The following KIF5C variants were observed in gnomAD, a reference collection of about 807,000 sequenced individuals.
KIF5C encodes kinesin family member 5C, also known as kinesin heavy chain isoform 5C.
In KIF5C, 18 loss-of-function variants were observed where a neutral mutation model predicts 125.2. The observed-to-expected ratio is 0.14, with a 90% CI of 0.10 to 0.21. The LOEUF is 0.21. Ranked by LOEUF, KIF5C falls within the 10% of genes least tolerant of loss-of-function variation. The probability of loss-of-function intolerance (pLI) is 1.00; values close to 1 mark genes in which losing one functional copy is unlikely to be tolerated. For synonymous variants in KIF5C, 405 were observed against 434.0 expected, an observed-to-expected ratio of 0.93 and a Z score of 0.83; for missense variants, 780 against 1,183.8, an observed-to-expected ratio of 0.66 and a Z score of 5.01.
intron 12 of KIF5C, among the ~76,000 whole-genome samples, chr2:148,976,285 T>TTTATTTATTTATTTA (rs1558927695): frequency 1.9e-5 from 1 of 52,190 alleles, no homozygotes. Context: ...TTATTTATTT[T>TTTATTTATTTATTTA]TTGAGATGGA....
intron 1 of KIF5C, among the ~76,000 whole-genome samples, chr2:148,916,786 T>G (rs1035861683): frequency 2.6e-5 from 4 of 152,186 alleles, no homozygotes; most frequent in Non-Finnish European, 4.4e-5. Context: ...TCAGGCTTAT[T>G]GTTTCCTTGA....
At chr2:149,011,736 C>T (rs1682208292) in intron 25 of KIF5C, 53 bp downstream of exon 25, 1 of 1,608,728 alleles carries the variant, frequency 6.2e-7, no homozygotes, top group East Asian at 2.2e-5. Context: ...GGCTTCTTGC[C>T]TTTCCAAAGC....
intron 12 of KIF5C, among the ~76,000 whole-genome samples, chr2:148,974,802 G>A (rs751980350): frequency 1.3e-5 from 2 of 152,078 alleles, no homozygotes; most frequent in Admixed American, 6.5e-5. Flanking sequence ...TTTAGTAATC[G>A]CAGAGAATCC....
chr2:149,014,903 A>G (rs1558949967), intron 25 of KIF5C, among the ~76,000 whole-genome samples: 2 of 152,116 alleles, frequency 1.3e-5, no homozygotes, highest in African/African-American at 2.4e-5. Context: ...TAAAGATAAT[A>G]TTGGCCGGGC....
At chr2:148,961,354 C>T in intron 10 of KIF5C, among the ~76,000 whole-genome samples, 1 of 152,144 alleles carries the variant, frequency 6.6e-6, no homozygotes, top group East Asian at 1.9e-4. Flanking sequence ...CAGCCTTACT[C>T]AGCTGTGGGA....
At chr2:148,996,287 C>T (rs1681670501) in intron 17 of KIF5C, among the ~76,000 whole-genome samples, 2 of 152,172 alleles carry the variant, frequency 1.3e-5, no homozygotes, top group African/African-American at 4.8e-5. Flanking sequence ...ACAGTTTGCT[C>T]AGTAAATGCA....
At chr2:148,905,851 G>A (rs1681083887) in intron 1 of KIF5C, among the ~76,000 whole-genome samples, 1 of 152,172 alleles carries the variant, frequency 6.6e-6, no homozygotes. Flanking sequence ...ATGGTGGAAG[G>A]TGAAAGGCAT....
chr2:148,875,569 G>GCCCCCGCCCCCCCCCCCAA lies in KIF5C; in HGVS notation c.-45_-44insCGCCCCCCCCCCCAACCCC. On this transcript the variant is annotated 5_prime_UTR_variant, in exon 1 of 26. Coordinates refer to ENST00000435030, the MANE Select transcript of KIF5C (RefSeq NM_004522.3). Reference sequence around the variant, plus strand: ...GCGGCCTCCTCCCTCGTCGTTCCCGGCCCCGGCCCCCCACCCATCCCCGTG... The same window carrying GCCCCCGCCCCCCCCCCCAA: ...GCGGCCTCCTCCCTCGTCGTTCCCGGCCCCCGCCCCCCCCCCCAACCCCGGCCCCCCACCCATCCCCGTG... 1.4e-6 allele frequency: 1 copy of GCCCCCGCCCCCCCCCCCAA among 689,868 alleles called. No homozygotes were observed. Among genetic ancestry groups the GCCCCCGCCCCCCCCCCCAA allele is most frequent in the Admixed American group, 2.1e-5 (1 of 47,388 alleles). The allele number at this position is 689,868 out of a possible 1,614,324, so 42.7% of individuals were successfully genotyped here. A position where few individuals can be genotyped will look rare whatever the true frequency, so the allele number is the denominator to read the frequency against.
At chr2:148,963,218 C>T (rs955504108) in intron 11 of KIF5C, among the ~76,000 whole-genome samples, 4 of 149,088 alleles carry the variant, frequency 2.7e-5, no homozygotes, top group African/African-American at 7.5e-5. Context: ...AGGGGAATGG[C>T]GGATAGTTGG....
At chr2:148,908,806 G>T (rs1258398764) in intron 1 of KIF5C, among the ~76,000 whole-genome samples, 1 of 152,170 alleles carries the variant, frequency 6.6e-6, no homozygotes, top group East Asian at 1.9e-4. Flanking sequence ...AAATAGAAAA[G>T]AGTTACTTTC....
chr2:148,876,849 C>A lies in KIF5C; in HGVS notation c.126+1106C>A, dbSNP rs921821168. On this transcript the variant is annotated intron_variant, in intron 1 of 25. Coordinates refer to ENST00000435030, the MANE Select transcript of KIF5C (RefSeq NM_004522.3). This position sits in a 1 kb window ranked among gnomAD's most constrained non-coding sequence, Gnocchi z 4.7. ...GGGAGCCTCCCGGTCCCCGCTGACA[C>A]GTTCCTGGCAGCCTGCTCCAGGCTG... 1.3e-5 allele frequency among the ~76,000 whole-genome samples: 2 copies of A among 152,196 alleles called. No individual in the cohort carries two copies. Among genetic ancestry groups the A allele is most frequent in the African/African-American group, 2.4e-5 (1 of 41,454 alleles).
intron 8 of KIF5C, 130 bp downstream of exon 8, chr2:148,947,153 A>T: frequency 1.5e-6 from 2 of 1,360,342 alleles, no homozygotes; most frequent in Non-Finnish European, 2.0e-6. Context: ...GGCTCTGCCA[A>T]GGTGTTATTA....
Position 148,998,228 on chromosome 2 carries a change from C to T in KIF5C, c.2101-172C>T, listed in dbSNP as rs536675740. 7.1e-5 allele frequency: 76 copies of T among 1,068,304 alleles called. No homozygotes were observed. In the Admixed American group the frequency reaches 1.4e-3, roughly 19 times the overall value. The allele number at this position is 1,068,304 out of a possible 1,614,324, so 66.2% of individuals were successfully genotyped here. ...GATAACAGATCTTGGGTTTTGTTAT[C>T]CCAATAAAGCAAGGCCGGGTCCTGG... is the stretch of plus-strand genomic sequence containing the variant. On this transcript the variant is annotated intron_variant, in intron 18 of 25. Transcript: ENST00000435030.
At chr2:148,885,705 G>A (rs945127301) in intron 1 of KIF5C, 1 of 152,170 alleles carries the variant, frequency 6.6e-6, no homozygotes, top group African/African-American at 2.4e-5. Context: ...TCTCATTAAA[G>A]AAAAACTTTT....
chr2:148,998,616 C>T, intron 19 of KIF5C, 107 bp downstream of exon 19: 1 of 1,488,864 alleles, frequency 6.7e-7, no homozygotes, highest in Non-Finnish European at 9.0e-7. Flanking sequence ...TCACCTTGCC[C>T]TGTGGGCACT....
At chr2:149,002,323 C>T (rs7571723) in intron 21 of KIF5C, among the ~76,000 whole-genome samples, 2,422 of 152,306 alleles carry the variant, frequency 0.016, 62 homozygotes, top group African/African-American at 0.055. Context: ...TTCAGTCTCA[C>T]TCACACCTAC....
At chr2:148,998,025 C>T in intron 18 of KIF5C, 1 of 232,568 alleles carries the variant, frequency 4.3e-6, no homozygotes, top group Non-Finnish European at 8.6e-6. Flanking sequence ...CTCAGTTTTA[C>T]ATGTGAGGGA....
intron 15 of KIF5C, among the ~76,000 whole-genome samples, chr2:148,988,494 A>G (rs191023264): frequency 3.5e-4 from 53 of 152,350 alleles, no homozygotes; most frequent in African/African-American, 1.2e-3. Context: ...CAGACCTGGA[A>G]AAGAAGAGGA....
intron 8 of KIF5C, chr2:148,947,869 TTGG>T (rs1384578983): frequency 1.1e-5 from 5 of 456,570 alleles, no homozygotes; most frequent in Admixed American, 4.7e-5. Flanking sequence ...GCCTTGAAGC[TTGG>T]TCAGTCTCCC....
Sources: allele counts gnomAD v4.1 joint callset (sites outside exome capture counted in the v4.1 genomes callset), GRCh38; gene constraint gnomAD v4.1.1; non-coding constraint Gnocchi (gnomAD v3.1); transcripts MANE v1.5; gene names NCBI Gene and HGNC (gene_info 2026-07-23, HGNC 2026-07-21).